Variants in ANXA7 observed in about 807,000 individuals in gnomAD.
ANXA7 encodes the protein annexin VII.
ANXA7 carries 55 observed loss-of-function variants against 64.9 expected under a neutral mutation model. The ratio of observed to expected loss-of-function variants is 0.85; its 90% confidence interval spans 0.68 to 1.06. The LOEUF is 1.06. Among genes scored for constraint, ANXA7 ranks in the 50% least tolerant of loss-of-function variants. The probability of loss-of-function intolerance (pLI) is 0.00; values close to 1 mark genes in which losing one functional copy is unlikely to be tolerated. For missense variants in ANXA7, 548 were observed against 582.1 expected, an observed-to-expected ratio of 0.94 and a Z score of 0.60; for synonymous variants, 200 against 192.4, an observed-to-expected ratio of 1.04 and a Z score of -0.33.
At chr10:73,391,398 C>A (rs562908091) in intron 5 of ANXA7, among the ~76,000 whole-genome samples, 15 of 152,160 alleles carry the variant, frequency 9.9e-5, no homozygotes, top group Admixed American at 4.6e-4. Context: ...ATCGCTTGAG[C>A]CCAGGAGTTC....
At chr10:73,379,201 ACT>A in intron 11 of ANXA7, among the ~76,000 whole-genome samples, 178 bp from the exon 12 acceptor site, 1 of 151,978 alleles carries the variant, frequency 6.6e-6, no homozygotes, top group East Asian at 1.9e-4. Context: ...ACAGGTTCTC[ACT>A]CTGTCATCCA....
chr10:73,400,033 C>G (rs565977164), intron 2 of ANXA7, among the ~76,000 whole-genome samples: 1 of 151,816 alleles, frequency 6.6e-6, no homozygotes, highest in East Asian at 1.9e-4. Flanking sequence ...ATCCTAGCTA[C>G]TCGGGAGGCT....
chr10:73,390,719 T>A lies in ANXA7; in HGVS notation c.436-2305A>T, dbSNP rs866090410. 1.3e-3 allele frequency among the ~76,000 whole-genome samples: 143 copies of A among 111,898 alleles called. 2 individuals carry two copies. The highest frequency in any genetic ancestry group is 2.5e-3 in the South Asian group (7 of 2,850). The allele number at this position is 111,898 out of a possible 152,430, so 73.4% of individuals were successfully genotyped here. A position where few individuals can be genotyped will look rare whatever the true frequency, so the allele number is the denominator to read the frequency against. ...ATATATATATATATATATATATATA[T>A]AAAAATATATATATACACACACACA... is the stretch of plus-strand genomic sequence containing the variant. On this transcript the variant is annotated intron_variant, in intron 5 of 12. Transcript: ENST00000372921.
chr10:73,393,811 T>C (rs929767190), intron 5 of ANXA7, among the ~76,000 whole-genome samples: 1 of 152,230 alleles, frequency 6.6e-6, no homozygotes, highest in Non-Finnish European at 1.5e-5. Context: ...AAGGACTTCA[T>C]GTCTAAAACA....
chr10:73,388,333 G>A lies in ANXA7; in HGVS notation c.517C>T (p.Arg173Cys), dbSNP rs370894790. The A allele has an allele frequency of 5.3e-5, 86 of 1,613,608 alleles. 1 individual carries two copies. The highest frequency in any genetic ancestry group is 7.7e-5 in the South Asian group (7 of 91,050). ...FDAIRDAEILRKAMKGFGTDE... is the reference protein window; with the variant it reads ...FDAIRDAEILCKAMKGFGTDE... ...TTACCAAAACCCTTCATTGCCTTAC[G>A]AAGAATTTCTGCATCTCTTATAGCA... The change falls in exon 6 of 13, where the codon CGT (arginine) becomes TGT (cysteine). Residue 173 changes from arginine (R) to cysteine (C), a missense_variant. Arg to Cys is a radical substitution (Grantham distance 180). Coordinates refer to ENST00000372921, the MANE Select transcript of ANXA7 (RefSeq NM_001156.5).
At chr10:73,404,862 G>A (rs963519047) in intron 1 of ANXA7, among the ~76,000 whole-genome samples, 26 of 152,280 alleles carry the variant, frequency 1.7e-4, no homozygotes, top group African/African-American at 5.5e-4. Flanking sequence ...GTTCACGCCT[G>A]TAATCTGAGC....
chr10:73,383,404 A>G, intron 8 of ANXA7, 59 bp from the exon 9 acceptor site: 1 of 1,487,802 alleles, frequency 6.7e-7, no homozygotes, highest in South Asian at 1.3e-5. Flanking sequence ...AAGTAATTAA[A>G]TCTTCGTCAA....
At chr10:73,381,972 G>A (rs1232246457) in intron 9 of ANXA7, among the ~76,000 whole-genome samples, 3 of 151,746 alleles carry the variant, frequency 2.0e-5, no homozygotes, top group Non-Finnish European at 4.4e-5. Context: ...TCTGCCTCCC[G>A]GGTTCAAGCG....
In ANXA7 at chr10:73,376,230, T is replaced by C. The variant is rs777025573; in HGVS notation, c.1279-13A>G. 4 of 1,547,038 alleles carry C rather than the reference T, an allele frequency of 2.6e-6. No homozygotes were observed. The Admixed American group carries it at 8.6e-5, about 33-fold the overall frequency. On this transcript the variant is annotated splice_polypyrimidine_tract_variant and intron_variant, in intron 12 of 12. Coordinates refer to ENST00000372921, the MANE Select transcript of ANXA7 (RefSeq NM_001156.5). ...GTACAAGGTCAATCTGCATAAGAAA[T>C]AATATTTCTGTCAGAAAAACATCTG...
intron 1 of ANXA7, among the ~76,000 whole-genome samples, chr10:73,406,036 G>A (rs147398126): frequency 0.046 from 7,024 of 151,576 alleles, 494 homozygotes; most frequent in African/African-American, 0.15. Context: ...GCTCACTGCA[G>A]CTTCCACCTC....
chr10:73,389,915 C>T (rs951924767), intron 5 of ANXA7, among the ~76,000 whole-genome samples: 1 of 152,110 alleles, frequency 6.6e-6, no homozygotes, highest in African/African-American at 2.4e-5. Context: ...GTGCGGCCAG[C>T]CCAGAATAAT....
intron 1 of ANXA7, among the ~76,000 whole-genome samples, chr10:73,403,965 T>C (rs900623258): frequency 2.6e-5 from 4 of 152,250 alleles, no homozygotes; most frequent in African/African-American, 9.6e-5. Flanking sequence ...CATTTAGCAG[T>C]GCCTGCAATA....
In ANXA7 at chr10:73,390,718, ATAAAAAT is replaced by A. The variant is rs1564526478; in HGVS notation, c.436-2311_436-2305del. Among the ~76,000 whole-genome samples the A allele has an allele frequency of 5.9e-3, 680 of 115,030 alleles. 18 individuals carry two copies. Among genetic ancestry groups the A allele is most frequent in the African/African-American group, 0.025 (646 of 25,440 alleles). 75.5% of individuals were successfully genotyped at this position (115,030 alleles called of 152,430 possible). A position where few individuals can be genotyped will look rare whatever the true frequency, so the allele number is the denominator to read the frequency against. On this transcript the variant is annotated intron_variant, in intron 5 of 12. Coordinates refer to ENST00000372921, the MANE Select transcript of ANXA7 (RefSeq NM_001156.5). ...AATATATATATATATATATATATAT[ATAAAAAT>A]ATATATATACACACACACACATATA...
chr10:73,406,626 G>C (rs1339471659), intron 1 of ANXA7, among the ~76,000 whole-genome samples: 2 of 152,146 alleles, frequency 1.3e-5, no homozygotes, highest in African/African-American at 4.8e-5. Context: ...CTGGAGTGCA[G>C]TAGTGTGACA....
chr10:73,405,340 G>A (rs1383023031), intron 1 of ANXA7, among the ~76,000 whole-genome samples: 5 of 150,430 alleles, frequency 3.3e-5, no homozygotes, highest in Admixed American at 1.3e-4. Context: ...TCAGGAGTTC[G>A]AGACCAGCCT....
intron 3 of ANXA7, among the ~76,000 whole-genome samples, chr10:73,397,673 G>T (rs185852987): frequency 6.6e-6 from 1 of 152,176 alleles, no homozygotes; most frequent in African/African-American, 2.4e-5. Context: ...GGCCAAGCTG[G>T]TCTCGAACTC....
chr10:73,390,695 T>A (rs1001383771), intron 5 of ANXA7, among the ~76,000 whole-genome samples: 1 of 113,280 alleles, frequency 8.8e-6, no homozygotes, highest in Non-Finnish European at 1.8e-5. Flanking sequence ...TTTTGTAAAA[T>A]ATATATATAT....
chr10:73,387,074 TC>T (rs2055385465), intron 7 of ANXA7, among the ~76,000 whole-genome samples: 1 of 152,204 alleles, frequency 6.6e-6, no homozygotes, highest in Admixed American at 6.5e-5. Context: ...AAGCCTTGAA[TC>T]CCACTGTAAC....
chr10:73,402,083 C>A (rs944673645), intron 1 of ANXA7, among the ~76,000 whole-genome samples: 1 of 152,146 alleles, frequency 6.6e-6, no homozygotes, highest in Non-Finnish European at 1.5e-5. Flanking sequence ...CCACAGAAAT[C>A]CCCTCATATG....
Sources: allele counts gnomAD v4.1 joint callset (sites outside exome capture counted in the v4.1 genomes callset), GRCh38; gene constraint gnomAD v4.1.1; transcripts MANE v1.5; gene names NCBI Gene and HGNC (gene_info 2026-07-23, HGNC 2026-07-21).